PSMD13: variants seen among roughly 807,000 people sequenced by gnomAD.
PSMD13 encodes 26S proteasome non-ATPase regulatory subunit 13.
In PSMD13, 8 loss-of-function variants were observed where a neutral mutation model predicts 57.4. That is an observed-to-expected ratio of 0.14 (90% CI 0.08 to 0.25). The LOEUF is 0.25. PSMD13 is among the 10% of genes least tolerant of loss of function. The probability of loss-of-function intolerance (pLI) is 1.00; values close to 1 mark genes in which losing one functional copy is unlikely to be tolerated. For missense variants in PSMD13, 400 were observed against 461.5 expected, an observed-to-expected ratio of 0.87 and a Z score of 1.22; for synonymous variants, 193 against 168.2, an observed-to-expected ratio of 1.15 and a Z score of -1.14.
At chr11:245,694 T>TTG (rs770643187) in intron 6 of PSMD13, among the ~76,000 whole-genome samples, 13,509 of 67,632 alleles carry the variant, frequency 0.2, 995 homozygotes, top group African/African-American at 0.24. Context: ...GCATGTGTGT[T>TTG]CGTGTGTTTG....
In PSMD13 at chr11:250,987, GC is replaced by G. The variant is rs1275666727; in HGVS notation, c.837+124del. The G allele has an allele frequency of 3.5e-6, 3 of 853,604 alleles. No homozygotes were observed. The East Asian group carries it at 7.5e-5, about 21-fold the overall frequency. 52.9% of individuals were successfully genotyped at this position (853,604 alleles called of 1,614,324 possible). ...TTCAGTGGTGCTGCTTCTGCTGTGCGCCGCTCTCTTCACCACCTTCCTTTTC... is the reference window on the plus strand; with the variant it reads ...TTCAGTGGTGCTGCTTCTGCTGTGCGCGCTCTCTTCACCACCTTCCTTTTC... On this transcript the variant is annotated intron_variant, in intron 10 of 12. Coordinates refer to ENST00000532097, the MANE Select transcript of PSMD13 (RefSeq NM_002817.4).
intron 7 of PSMD13, 114 bp downstream of exon 7, chr11:247,562 T>C (rs1451871934): frequency 2.5e-6 from 3 of 1,224,058 alleles, no homozygotes; most frequent in African/African-American, 3.0e-5. Context: ...CTGGGCACGG[T>C]GGCTCACGCC....
rs2133994074 is a variant in PSMD13 at position 252,128 on chromosome 11, A to C, written c.1035+192A>C. The C allele has an allele frequency of 1.8e-6, 1 of 571,298 alleles. No homozygotes were observed. Among genetic ancestry groups the C allele is most frequent in the Non-Finnish European group, 3.1e-6 (1 of 321,418 alleles). The allele number at this position is 571,298 out of a possible 1,614,324, so 35.4% of individuals were successfully genotyped here. ...TGCAAGCCTAGGGTTTGAACCCTGCATTTAAAAGCTTATGATGACAATGGC... is the reference window on the plus strand; with the variant it reads ...TGCAAGCCTAGGGTTTGAACCCTGCCTTTAAAAGCTTATGATGACAATGGC... On this transcript the variant is annotated intron_variant, in intron 12 of 12. Transcript: ENST00000532097. The surrounding 1 kb of genome is among the most constrained non-coding windows in gnomAD (Gnocchi z 4.1).
Position 248,283 on chromosome 11 carries a change from A to G in PSMD13, c.569-493A>G, listed in dbSNP as rs181144598. ...GCATATTTTAGATGTTTCTCACAAAACACTGTTGAAGCTAAGGAGACCAGC... is the reference window on the plus strand; with the variant it reads ...GCATATTTTAGATGTTTCTCACAAAGCACTGTTGAAGCTAAGGAGACCAGC... On this transcript the variant is annotated intron_variant, in intron 7 of 12. Coordinates refer to ENST00000532097, the MANE Select transcript of PSMD13 (RefSeq NM_002817.4). The G allele has an allele frequency of 1.4e-3, 224 of 156,858 alleles. 1 individual carries two copies. The highest frequency in any genetic ancestry group is 5.0e-3 in the African/African-American group (210 of 41,604). The allele number at this position is 156,858 out of a possible 1,614,324, so 9.7% of individuals were successfully genotyped here.
chr11:250,918 T>TG (rs1859754836), intron 10 of PSMD13, 53 bp downstream of exon 10: 1 of 1,506,942 alleles, frequency 6.6e-7, no homozygotes, highest in East Asian at 2.3e-5. Flanking sequence ...TTTGGTCAGG[T>TG]GGGGGCGCTG....
At position 252,090 on chromosome 11, in the gene PSMD13, G is replaced by C; in HGVS notation, c.1035+154G>C. ...AAATACTGCTGTTGGGTTTTTCTAA[G>C]AGCCTAATTTAATGCAAGCCTAGGG... On this transcript the variant is annotated intron_variant, in intron 12 of 12. Transcript: ENST00000532097. This position sits in a 1 kb window ranked among gnomAD's most constrained non-coding sequence, Gnocchi z 4.1. The C allele has an allele frequency of 5.6e-6, 4 of 713,610 alleles. No individual in the cohort carries two copies. Among genetic ancestry groups the C allele is most frequent in the Non-Finnish European group, 9.5e-6 (4 of 419,244 alleles). The allele number at this position is 713,610 out of a possible 1,614,324, so 44.2% of individuals were successfully genotyped here.
In PSMD13 at chr11:251,645, G is replaced by C; in HGVS notation, c.918+19G>C. ...GAATGAGGTACGGTCCCTAGGCTCAGGGTGTTAGAGCAGCAAAGCTGCCAC... is the reference window on the plus strand; with the variant it reads ...GAATGAGGTACGGTCCCTAGGCTCACGGTGTTAGAGCAGCAAAGCTGCCAC... On this transcript the variant is annotated intron_variant, in intron 11 of 12. Coordinates refer to ENST00000532097, the MANE Select transcript of PSMD13 (RefSeq NM_002817.4). This position sits in a 1 kb window ranked among gnomAD's most constrained non-coding sequence, Gnocchi z 4.6. 1 of 1,604,566 alleles carries C rather than the reference G, an allele frequency of 6.2e-7. No individual in the cohort carries two copies. The highest frequency in any genetic ancestry group is 8.5e-7 in the Non-Finnish European group (1 of 1,171,738).
intron 6 of PSMD13, among the ~76,000 whole-genome samples, chr11:246,453 A>G (rs945983771): frequency 6.6e-6 from 1 of 151,248 alleles, no homozygotes; most frequent in African/African-American, 2.4e-5. Flanking sequence ...GTGAGCCGAG[A>G]TCGCACCACT....
chr11:241,842 T>C (rs963392728), intron 2 of PSMD13, among the ~76,000 whole-genome samples: 11 of 152,242 alleles, frequency 7.2e-5, no homozygotes, highest in African/African-American at 2.7e-4. Flanking sequence ...GTTTCTAAAA[T>C]AGAAATGATC....
Position 251,548 on chromosome 11 carries a change from G to A in PSMD13, c.840G>A (p.Met280Ile). Residue 280 changes from methionine to isoleucine, a missense_variant and splice_region_variant, in exon 11 of 13, where the codon ATG becomes ATA. By Grantham distance (10) the Met-to-Ile change is conservative. Coordinates refer to ENST00000532097, the MANE Select transcript of PSMD13 (RefSeq NM_002817.4). This position sits in a 1 kb window ranked among gnomAD's most constrained non-coding sequence, Gnocchi z 4.6. The part of the protein sequence containing the change: ...RKIQLLCLME[M>I]TFTRPANHRQ... The stretch of plus-strand genomic sequence containing the variant: ...ATAGTTAATAAAATTTTTTCCAGAT[G>A]ACTTTCACACGACCTGCCAATCACA... 3.1e-6 allele frequency: 5 copies of A among 1,610,562 alleles called. No homozygotes were observed. Among genetic ancestry groups the A allele is most frequent in the Non-Finnish European group, 4.2e-6 (5 of 1,178,474 alleles).
chr11:240,718 T>C (rs1435357429), intron 2 of PSMD13, among the ~76,000 whole-genome samples: 1 of 152,234 alleles, frequency 6.6e-6, no homozygotes, highest in Admixed American at 6.5e-5. Context: ...GTGGGCTTCT[T>C]TTTTAAGGTA....
chr11:251,647 G>T lies in PSMD13; in HGVS notation c.918+21G>T. 1 of 1,602,760 alleles carries T rather than the reference G, an allele frequency of 6.2e-7. No homozygotes were observed. Among genetic ancestry groups the T allele is most frequent in the Admixed American group, 1.7e-5 (1 of 59,628 alleles). ...ATGAGGTACGGTCCCTAGGCTCAGG[G>T]TGTTAGAGCAGCAAAGCTGCCACAT... On this transcript the variant is annotated intron_variant, in intron 11 of 12. Transcript: ENST00000532097. This position sits in a 1 kb window ranked among gnomAD's most constrained non-coding sequence, Gnocchi z 4.6.
In PSMD13 at chr11:252,559, G is replaced by C. The variant is rs1308924723; in HGVS notation, c.1090G>C (p.Glu364Gln). 6.2e-7 allele frequency: 1 copy of C among 1,614,032 alleles called. No homozygotes were observed. Among genetic ancestry groups the C allele is most frequent in the Non-Finnish European group, 8.5e-7 (1 of 1,180,016 alleles). ...EFWCTDVKSM[E>Q]MLVEHQAHDI... is the part of the protein sequence containing the mutation. ...CTGGTGCACGGATGTGAAGAGCATG[G>C]AGATGCTGGTGGAGCACCAGGCCCA... Residue 364 changes from glutamate to glutamine, a missense_variant, in exon 13 of 13, where the codon GAG becomes CAG. Transcript: ENST00000532097. The surrounding 1 kb of genome is among the most constrained non-coding windows in gnomAD (Gnocchi z 4.1).
chr11:244,616 C>A, intron 5 of PSMD13, 59 bp from the exon 6 acceptor site: 1 of 1,547,520 alleles, frequency 6.5e-7, no homozygotes, highest in Non-Finnish European at 8.9e-7. Context: ...TAGCTAGCTT[C>A]CTTTGTTAGT....
At chr11:245,641 CGTGTGTGTGT>C (rs4029226) in intron 6 of PSMD13, among the ~76,000 whole-genome samples, 1,627 of 122,422 alleles carry the variant, frequency 0.013, 23 homozygotes, top group African/African-American at 0.032. Context: ...TGAACCAGAA[CGTGTGTGTGT>C]GTGTGTGTGT....
At position 236,996 on chromosome 11, in the gene PSMD13, C is replaced by T. The variant is rs575322353; in HGVS notation, c.-54C>T. 1.3e-5 allele frequency: 19 copies of T among 1,463,376 alleles called. No individual in the cohort carries two copies. In the African/African-American group the frequency reaches 1.5e-4, roughly 12 times the overall value. 90.6% of individuals were successfully genotyped at this position (1,463,376 alleles called of 1,614,324 possible). ...TGAGTGAGCATTTCCGGCAGCCATCCCCGCGGTGCTGACATCCCGGTTGTT... is the reference window on the plus strand; with the variant it reads ...TGAGTGAGCATTTCCGGCAGCCATCTCCGCGGTGCTGACATCCCGGTTGTT... On this transcript the variant is annotated 5_prime_UTR_variant, in exon 1 of 13. Transcript: ENST00000532097.
intron 6 of PSMD13, among the ~76,000 whole-genome samples, chr11:246,612 C>T (rs2133989079): frequency 6.6e-6 from 1 of 152,296 alleles, no homozygotes; most frequent in African/African-American, 2.4e-5. Context: ...AGATGTATGC[C>T]TAGAGACTAC....
At chr11:243,355 A>AAT (rs1435494138) in intron 2 of PSMD13, 4 of 356,628 alleles carry the variant, frequency 1.1e-5, no homozygotes, top group Non-Finnish European at 2.3e-5. Context: ...GAAATGCATT[A>AAT]AGTCCAACTG....
rs138068479 is a variant in PSMD13 at position 244,705 on chromosome 11, T to C, written c.340T>C (p.Cys114Arg). 6.2e-7 allele frequency: 1 copy of C among 1,614,030 alleles called. No individual in the cohort carries two copies. Residue 114 changes from cysteine (C) to arginine (R), a missense_variant, in exon 6 of 13, where the codon TGT becomes CGT. Physicochemically the swap from Cys to Arg is radical, Grantham distance 180 (BLOSUM62 -3). Coordinates refer to ENST00000532097, the MANE Select transcript of PSMD13 (RefSeq NM_002817.4). ...VKSSDEAVIL[C>R]KTAIGALKLN... ...AAGTAGTGATGAGGCAGTGATCCTG[T>C]GTAAAACAGCAATTGGAGCTCTAAA... is the stretch of plus-strand genomic sequence containing the variant.
Sources: gnomAD v4.1 joint callset for allele counts (sites outside exome capture counted in the v4.1 genomes callset) on GRCh38, gnomAD v4.1.1 for gene constraint, Gnocchi (gnomAD v3.1) non-coding constraint, MANE v1.5 for transcripts, NCBI Gene and HGNC (gene_info 2026-07-23, HGNC 2026-07-21) for gene names.